Variants in PDE1A observed in about 807,000 individuals in gnomAD.
The protein encoded by PDE1A is dual specificity calcium/calmodulin-dependent 3',5'-cyclic nucleotide phosphodiesterase 1A.
Under a neutral mutation model 61.7 loss-of-function variants are expected in PDE1A, and 35 were observed. The ratio of observed to expected loss-of-function variants is 0.57; its 90% CI spans 0.43 to 0.75. The LOEUF (loss-of-function observed/expected upper bound fraction) is 0.75. Ranked by LOEUF, PDE1A falls within the 30% of genes least tolerant of loss-of-function variation. The pLI, the probability that PDE1A is intolerant of heterozygous loss-of-function variation, is 0.00. For missense variants in PDE1A, 597 were observed against 630.6 expected (o/e 0.95, Z 0.57); for synonymous variants, 232 against 213.2 (o/e 1.09, Z -0.77).
At chr2:182,402,214 A>C (rs1357097053) in intron 1 of PDE1A, among the ~76,000 whole-genome samples, 1 of 152,152 alleles carries the variant, frequency 6.6e-6, no homozygotes, top group Non-Finnish European at 1.5e-5. Context: ...CCCGCATAGC[A>C]AAGACAATAC....
chr2:182,295,264 CG>C (rs1420314144), intron 1 of PDE1A, among the ~76,000 whole-genome samples: 1 of 151,222 alleles, frequency 6.6e-6, no homozygotes, highest in Admixed American at 6.6e-5. Flanking sequence ...TTAGTAGAGA[CG>C]GGGTTTCACC....
intron 1 of PDE1A, among the ~76,000 whole-genome samples, chr2:182,351,331 T>C (rs1698864180): frequency 6.6e-6 from 1 of 152,192 alleles, no homozygotes; most frequent in Admixed American, 6.5e-5. Context: ...ACATTAACAA[T>C]GGGTACAAGT....
intron 2 of PDE1A, among the ~76,000 whole-genome samples, chr2:182,511,807 C>T (rs1359053438): frequency 1.3e-5 from 2 of 152,196 alleles, no homozygotes; most frequent in Non-Finnish European, 2.9e-5. Context: ...AACTGGGGTG[C>T]TTCCCAGTGG....
At chr2:182,502,281 A>C (rs1559520129) in intron 2 of PDE1A, among the ~76,000 whole-genome samples, 1 of 152,196 alleles carries the variant, frequency 6.6e-6, no homozygotes, top group African/African-American at 2.4e-5. Flanking sequence ...AGGTAAAGAC[A>C]TAAGTCCCCT....
At chr2:182,345,742 C>A (rs1023211423) in intron 1 of PDE1A, among the ~76,000 whole-genome samples, 3 of 152,118 alleles carry the variant, frequency 2.0e-5, no homozygotes, top group Non-Finnish European at 1.5e-5. Context: ...TCATCCACTT[C>A]AAGTCTTTGC....
intron 4 of PDE1A, among the ~76,000 whole-genome samples, 155 bp downstream of exon 4, chr2:182,234,277 C>T (rs1436578246): frequency 1.3e-5 from 2 of 152,078 alleles, no homozygotes; most frequent in Non-Finnish European, 2.9e-5. Flanking sequence ...TGATTTGGAA[C>T]ACAGTTCATT....
At chr2:182,223,993 A>G (rs1219361237) in intron 6 of PDE1A, 29 bp from the exon 7 acceptor site, 1 of 1,449,094 alleles carries the variant, frequency 6.9e-7, no homozygotes, top group Non-Finnish European at 9.7e-7. Context: ...AATCCATTAT[A>G]TTCAAGAAGT....
In PDE1A at chr2:182,480,164, A is replaced by G. The variant is rs549253384; in HGVS notation, c.101+42112T>C. Among the ~76,000 whole-genome samples, 7 of 152,040 alleles carry G rather than the reference A, an allele frequency of 4.6e-5. No homozygotes were observed. The South Asian group carries it at 8.3e-4, about 18-fold the overall frequency. ...AGCAAAGAAGAGTTTCTTTATGACAAAAACAACAATTTTCTACCAAAGAGA... is the reference window on the plus strand; with the variant it reads ...AGCAAAGAAGAGTTTCTTTATGACAGAAACAACAATTTTCTACCAAAGAGA... On this transcript the variant is annotated intron_variant, in intron 2 of 14. Transcript: ENST00000410103.
chr2:182,142,621 G>C (rs977337539), downstream of PDE1A: 1 of 152,120 alleles, frequency 6.6e-6, no homozygotes, highest in Non-Finnish European at 1.5e-5. Context: ...TTTTGTTTTT[G>C]CTTCCTTTTA....
intron 1 of PDE1A, among the ~76,000 whole-genome samples, chr2:182,394,661 T>A (rs947279665): frequency 3.3e-5 from 5 of 152,124 alleles, no homozygotes; most frequent in Admixed American, 1.3e-4. Context: ...TAATGGATTG[T>A]TAGTTCAGGT....
chr2:182,203,461 A>T (rs1686843521), intron 8 of PDE1A, among the ~76,000 whole-genome samples: 1 of 152,224 alleles, frequency 6.6e-6, no homozygotes, highest in African/African-American at 2.4e-5. Flanking sequence ...AAGGGAAAGG[A>T]AGCTATTAAT....
At chr2:182,394,285 C>T (rs1701580311) in intron 1 of PDE1A, among the ~76,000 whole-genome samples, 2 of 152,162 alleles carry the variant, frequency 1.3e-5, no homozygotes, top group South Asian at 4.1e-4. Flanking sequence ...GAAGTAAAGG[C>T]ATGTCTTACA....
chr2:182,564,532 T>C, the PDE1A span, among the ~76,000 whole-genome samples: 1 of 152,136 alleles, frequency 6.6e-6, no homozygotes, highest in Non-Finnish European at 1.5e-5. Context: ...AATTATGTCT[T>C]GGAGTTGCTC....
the PDE1A span, among the ~76,000 whole-genome samples, chr2:182,530,937 T>C: frequency 6.6e-6 from 1 of 152,128 alleles, no homozygotes; most frequent in Non-Finnish European, 1.5e-5. Context: ...TTATATCATC[T>C]GATATGGTTC....
intron 1 of PDE1A, among the ~76,000 whole-genome samples, chr2:182,267,091 G>A (rs1400910360): frequency 6.6e-6 from 1 of 151,964 alleles, no homozygotes; most frequent in Non-Finnish European, 1.5e-5. Flanking sequence ...AGTACCCTAG[G>A]AGACCATGGA....
At chr2:182,177,952 T>C (rs1224458218) in intron 13 of PDE1A, among the ~76,000 whole-genome samples, 1 of 152,186 alleles carries the variant, frequency 6.6e-6, no homozygotes, top group African/African-American at 2.4e-5. Context: ...TAAATGTTCT[T>C]TGAATAATAG....
chr2:182,624,042 G>A, the PDE1A span, among the ~76,000 whole-genome samples: 11 of 150,320 alleles, frequency 7.3e-5, no homozygotes, highest in African/African-American at 1.7e-4. Flanking sequence ...GGAGAATGGC[G>A]TGAACCCGGG....
At chr2:182,581,500 A>C in the PDE1A span, among the ~76,000 whole-genome samples, 1 of 152,172 alleles carries the variant, frequency 6.6e-6, no homozygotes, top group African/African-American at 2.4e-5. Context: ...TCTCATTTTT[A>C]CCTAAAGGAA....
the PDE1A span, among the ~76,000 whole-genome samples, chr2:182,632,786 C>A: frequency 6.6e-6 from 1 of 152,144 alleles, no homozygotes; most frequent in African/African-American, 2.4e-5. Context: ...TAGCCCCCCA[C>A]AATTTTAAAT....
Sources: gnomAD v4.1 joint callset for allele counts (sites outside exome capture counted in the v4.1 genomes callset) on GRCh38, gnomAD v4.1.1 for gene constraint, MANE v1.5 for transcripts, NCBI Gene and HGNC (gene_info 2026-07-23, HGNC 2026-07-21) for gene names.